SOX5: variants seen among roughly 807,000 people sequenced by gnomAD.
The protein encoded by SOX5 is SRY-box transcription factor 5, also known as transcription factor SOX-5.
A neutral mutation model predicts 92.0 loss-of-function variants in SOX5; 9 were observed. The ratio of observed to expected loss-of-function variants is 0.10; its 90% CI spans 0.06 to 0.17. SOX5 has a LOEUF of 0.17. Ranked by LOEUF, SOX5 falls within the 10% of genes least tolerant of loss-of-function variation. The pLI is 1.00. For missense variants in SOX5, 642 were observed against 944.5 expected, an observed-to-expected ratio of 0.68 and a Z score of 4.20; for synonymous variants, 344 against 336.3, an observed-to-expected ratio of 1.02 and a Z score of -0.25.
At chr12:24,384,439 T>C (rs2136402167) in intron 1 of SOX5, among the ~76,000 whole-genome samples, 1 of 152,282 alleles carries the variant, frequency 6.6e-6, no homozygotes, top group East Asian at 1.9e-4. Flanking sequence ...TACCTCACAA[T>C]GTGCCCAAAG....
chr12:23,549,664 G>C (rs1943813862), intron 11 of SOX5, among the ~76,000 whole-genome samples: 1 of 151,936 alleles, frequency 6.6e-6, no homozygotes, highest in Admixed American at 6.6e-5. Flanking sequence ...ACATGTAAAA[G>C]TCCTGGGGTA....
chr12:23,575,133 G>T (rs533425886), intron 10 of SOX5, among the ~76,000 whole-genome samples: 5 of 152,214 alleles, frequency 3.3e-5, no homozygotes, highest in African/African-American at 1.2e-4. Context: ...CTACTATTTT[G>T]TTTATGCTAC....
chr12:24,258,509 AAAGTTACCTGTTATTTGTTAGC>A (rs1225735626), intron 3 of SOX5, among the ~76,000 whole-genome samples: 2 of 152,218 alleles, frequency 1.3e-5, no homozygotes, highest in Non-Finnish European at 2.9e-5. Flanking sequence ...ATAATATTAA[AAAGTTACCTGTTATTTGTTAGC>A]AAGTTACCTG....
chr12:24,114,573 C>CAAAAAAAAAAAAAAAAAAAA (rs55913110), intron 4 of SOX5, among the ~76,000 whole-genome samples: 8 of 40,596 alleles, frequency 2.0e-4, no homozygotes, highest in Middle Eastern at 0.022. Flanking sequence ...CACCCCGTCA[C>CAAAAAAAAAAAAAAAAAAAA]AAAAAAAAAA....
intron 3 of SOX5, among the ~76,000 whole-genome samples, chr12:24,246,662 A>T (rs1042088958): frequency 1.3e-5 from 2 of 152,182 alleles, no homozygotes; most frequent in Admixed American, 1.3e-4. Flanking sequence ...GAATTTTTAA[A>T]AATGTTTCCC....
intron 8 of SOX5, among the ~76,000 whole-genome samples, chr12:23,611,474 C>T (rs1013843335): frequency 2.0e-5 from 3 of 151,630 alleles, no homozygotes; most frequent in Non-Finnish European, 2.9e-5. Flanking sequence ...TCTTGGTTAT[C>T]GTAAATAATG....
At chr12:24,224,049 A>T (rs1049536818) in intron 3 of SOX5, among the ~76,000 whole-genome samples, 4 of 152,234 alleles carry the variant, frequency 2.6e-5, no homozygotes, top group African/African-American at 9.6e-5. Context: ...TGGTAGACAG[A>T]TGCCCCACTG....
At chr12:24,152,865 T>C (rs1248168863) in intron 4 of SOX5, among the ~76,000 whole-genome samples, 1 of 152,092 alleles carries the variant, frequency 6.6e-6, no homozygotes, top group Non-Finnish European at 1.5e-5. Context: ...AAAAGAGAAT[T>C]GTAATCATAT....
At chr12:24,432,749 T>C (rs181256441) in intron 1 of SOX5, among the ~76,000 whole-genome samples, 124 of 152,118 alleles carry the variant, frequency 8.2e-4, no homozygotes, top group Middle Eastern at 3.4e-3. Context: ...GAGGCGGAGA[T>C]TGCAGTGAGC....
chr12:23,808,616 A>C (rs2095822868), intron 3 of SOX5, among the ~76,000 whole-genome samples: 1 of 152,206 alleles, frequency 6.6e-6, no homozygotes, highest in African/African-American at 2.4e-5. Context: ...AAATAAGATA[A>C]TTTTATCACT....
intron 3 of SOX5, among the ~76,000 whole-genome samples, chr12:23,792,284 AT>A (rs1032568969): frequency 2.6e-5 from 4 of 151,984 alleles, no homozygotes; most frequent in African/African-American, 9.7e-5. Context: ...AAAAATAGTA[AT>A]GACCCATCAT....
intron 2 of SOX5, among the ~76,000 whole-genome samples, chr12:23,889,513 T>C (rs1483833330): frequency 7.9e-5 from 12 of 152,206 alleles, no homozygotes; most frequent in Admixed American, 7.9e-4. Flanking sequence ...AATACAGCAA[T>C]TAAAATTATT....
intron 3 of SOX5, among the ~76,000 whole-genome samples, chr12:23,839,990 C>CAAAA (rs142394109): frequency 8.2e-6 from 1 of 121,856 alleles, no homozygotes; most frequent in African/African-American, 3.2e-5. Flanking sequence ...CTCAAGAAGA[C>CAAAA]AAAAAAAAAA....
chr12:24,530,157 A>C (rs1012675112), intron 1 of SOX5, among the ~76,000 whole-genome samples: 2 of 152,238 alleles, frequency 1.3e-5, no homozygotes, highest in African/African-American at 4.8e-5. Flanking sequence ...ACATTTCATC[A>C]ACACAAGGTA....
chr12:23,807,024 C>A (rs996480273), intron 3 of SOX5, among the ~76,000 whole-genome samples: 1 of 152,146 alleles, frequency 6.6e-6, no homozygotes, highest in African/African-American at 2.4e-5. Flanking sequence ...TTTTGGATGG[C>A]CAAATTTCCC....
At chr12:23,650,847 T>C (rs1414389227) in intron 7 of SOX5, among the ~76,000 whole-genome samples, 1 of 152,092 alleles carries the variant, frequency 6.6e-6, no homozygotes, top group Non-Finnish European at 1.5e-5. Context: ...TATTTTTTGT[T>C]AGTATTTGTG....
intron 1 of SOX5, among the ~76,000 whole-genome samples, chr12:24,458,847 C>T (rs1596910593): frequency 2.0e-5 from 3 of 152,148 alleles, no homozygotes; most frequent in Admixed American, 6.5e-5. Flanking sequence ...TGACTTTCAC[C>T]TTATTAACTG....
intron 4 of SOX5, among the ~76,000 whole-genome samples, chr12:24,128,990 C>T (rs1026230355): frequency 6.6e-6 from 1 of 152,114 alleles, no homozygotes; most frequent in African/African-American, 2.4e-5. Context: ...AATAGAAACA[C>T]TGGGATTTGC....
intron 9 of SOX5, among the ~76,000 whole-genome samples, chr12:23,587,524 T>G (rs1950919913): frequency 6.6e-6 from 1 of 152,122 alleles, no homozygotes; most frequent in African/African-American, 2.4e-5. Context: ...TTTTTAATTC[T>G]GAAGAATTTT....
Sources: allele counts gnomAD v4.1 joint callset (sites outside exome capture counted in the v4.1 genomes callset), GRCh38; gene constraint gnomAD v4.1.1; transcripts MANE v1.5; gene names NCBI Gene and HGNC (gene_info 2026-07-23, HGNC 2026-07-21).